MYO15B: variants seen among roughly 807,000 people sequenced by gnomAD.
MYO15B encodes the protein myosin XVB pseudogene.
A neutral mutation model predicts 119.3 loss-of-function variants in MYO15B; 207 were observed. That is an observed-to-expected ratio of 1.73 (90% CI 1.55 to 1.95). The LOEUF is 1.95. Ranked by LOEUF, MYO15B falls within the 30% of genes most tolerant of loss-of-function variation. MYO15B has a pLI of 0.00. For synonymous variants in MYO15B, 966 were observed against 498.9 expected (o/e 1.94, Z -12.48); for missense variants, 2,264 against 1,203.1 (o/e 1.88, Z -13.04).
In MYO15B at chr17:75,596,879, G is replaced by T. The variant is rs751988648; in HGVS notation, c.3505G>T (p.Ala1169Ser). Residue 1169 changes from alanine to serine, a missense_variant, in exon 14 of 64, where the codon GCC (alanine) becomes TCC (serine). By Grantham distance (99) the Ala-to-Ser change is moderately conservative. Transcript: ENST00000645453. ...CCACAGCCTCCTGAGTATCCTGGAC[G>T]CCCAGACATGGCTGTCCCAGGTAAG... The T allele has an allele frequency of 7.1e-6, 5 of 702,192 alleles. No homozygotes were observed. The Middle Eastern group carries it at 6.9e-4, about 96-fold the overall frequency. The allele number at this position is 702,192 out of a possible 1,614,324, so 43.5% of individuals were successfully genotyped here.
exon 15 of MYO15B, chr17:75,601,538 A>C (rs1001126843): frequency 8.5e-6 from 6 of 703,040 alleles, no homozygotes; most frequent in Admixed American, 4.0e-5. Context: ...ACCGTGCGAC[A>C]TTATGCAGGG....
intron 23 of MYO15B, 41 bp downstream of exon 23, chr17:75,611,000 G>T (rs1361706232): frequency 2.8e-6 from 2 of 702,766 alleles, no homozygotes; most frequent in African/African-American, 3.5e-5. Flanking sequence ...ATGGGGCTAT[G>T]AACCTGCTGA....
chr17:75,590,474 C>T (rs1304649263), intron 1 of MYO15B, 152 bp from the exon 2 acceptor site: 3 of 393,296 alleles, frequency 7.6e-6, no homozygotes, highest in Admixed American at 4.4e-5. Flanking sequence ...CTCCTTGTAG[C>T]CTGCGCATTA....
chr17:75,592,424 C>T lies in MYO15B; in HGVS notation c.2716-4C>T. ...TGAGCCCCTAAGCCAGTCCTGTCCC[C>T]AAGGCCCAGGCTGAGCGGAGCTTCC... On this transcript the variant is annotated splice_region_variant and splice_polypyrimidine_tract_variant and intron_variant, in intron 7 of 63. Transcript: ENST00000645453. 1 of 637,904 alleles carries T rather than the reference C, an allele frequency of 1.6e-6. No homozygotes were observed. The highest frequency in any genetic ancestry group is 2.8e-6 in the Non-Finnish European group (1 of 355,322). The allele number at this position is 637,904 out of a possible 1,614,324, so 39.5% of individuals were successfully genotyped here.
chr17:75,615,532 C>A (rs567254398), exon 35 of MYO15B: 94 of 700,698 alleles, frequency 1.3e-4, no homozygotes, highest in Admixed American at 1.3e-3. Context: ...GCCACCGCTT[C>A]CCAGCCTGGA....
chr17:75,626,290 G>A (rs1218105472), intron 63 of MYO15B, 62 bp downstream of exon 63: 1 of 698,774 alleles, frequency 1.4e-6, no homozygotes, highest in Non-Finnish European at 2.6e-6. Context: ...CCCCAGCATG[G>A]CGTGCAGTGG....
At chr17:75,594,676 C>T in intron 10 of MYO15B, 25 bp from the exon 11 acceptor site, 1 of 702,756 alleles carries the variant, frequency 1.4e-6, no homozygotes, top group East Asian at 2.7e-5. Flanking sequence ...CCTGACACAC[C>T]AGCTGTGCCT....
At chr17:75,624,227 G>T in exon 56 of MYO15B, 1 of 702,978 alleles carries the variant, frequency 1.4e-6, no homozygotes, top group Admixed American at 2.0e-5. Flanking sequence ...AATATGGGGG[G>T]CGCCGGCGGA....
chr17:75,621,736 C>T (rs2058724480), intron 52 of MYO15B, 166 bp downstream of exon 52: 2 of 604,292 alleles, frequency 3.3e-6, no homozygotes, highest in Admixed American at 5.5e-5. Context: ...CTTCTACTCC[C>T]ACTCAAGGGT....
At chr17:75,604,543 CCCCT>C (rs1290528888) in intron 19 of MYO15B, among the ~76,000 whole-genome samples, 5 of 139,042 alleles carry the variant, frequency 3.6e-5, no homozygotes, top group Admixed American at 7.4e-5. Context: ...CCCTTCCACA[CCCCT>C]CCCTCCCTCC....
intron 12 of MYO15B, 189 bp from the exon 13 acceptor site, chr17:75,596,271 G>A (rs7359522): frequency 0.081 from 47,421 of 588,432 alleles, 2,265 homozygotes; most frequent in African/African-American, 0.15. Context: ...GCAGCTAGAG[G>A]GACCTGTGGC....
At chr17:75,587,942 C>T in exon 1 of MYO15B, 1 of 396,580 alleles carries the variant, frequency 2.5e-6, no homozygotes. Flanking sequence ...GAGCCTGTAG[C>T]CCCTGCGAGA....
chr17:75,625,345 G>C (rs1035918205), intron 60 of MYO15B, 107 bp downstream of exon 60: 2 of 640,518 alleles, frequency 3.1e-6, no homozygotes, highest in African/African-American at 3.6e-5. Flanking sequence ...GAGCAGCGGG[G>C]CCTGTGAACA....
At chr17:75,620,792 G>A in intron 49 of MYO15B, 156 bp downstream of exon 49, 1 of 701,756 alleles carries the variant, frequency 1.4e-6, no homozygotes, top group South Asian at 1.5e-5. Context: ...GGCTCGCCTT[G>A]TCTCTCCAGC....
chr17:75,618,096 C>A, intron 42 of MYO15B, 30 bp from the exon 43 acceptor site: 1 of 702,912 alleles, frequency 1.4e-6, no homozygotes. Context: ...CCAGACCCAC[C>A]GATCTTTGCC....
chr17:75,623,999 TC>T lies in MYO15B; in HGVS notation c.8213del (p.Pro2738ArgfsTer5). 1.4e-6 allele frequency: 1 copy of T among 702,822 alleles called. No individual in the cohort carries two copies. Among genetic ancestry groups the T allele is most frequent in the Non-Finnish European group, 2.6e-6 (1 of 384,968 alleles). 43.5% of individuals were successfully genotyped at this position (702,822 alleles called of 1,614,324 possible). ...TTCCTCAGCCTTCTCACAGGCTTCTTCCCCCCGTCGACCAGGCTGATGCCCT... is the reference window on the plus strand; with the variant it reads ...TTCCTCAGCCTTCTCACAGGCTTCTTCCCCCGTCGACCAGGCTGATGCCCT... On this transcript the variant is annotated frameshift_variant, in exon 55 of 64. Transcript: ENST00000645453. LOFTEE classifies it high-confidence loss of function.
intron 5 of MYO15B, 110 bp from the exon 6 acceptor site, chr17:75,591,867 A>G: frequency 1.5e-6 from 1 of 667,504 alleles, no homozygotes. Flanking sequence ...AGCTGCAGGC[A>G]CTGCCCTTTC....
intron 19 of MYO15B, among the ~76,000 whole-genome samples, chr17:75,604,469 G>A (rs963327951): frequency 1.6e-5 from 1 of 61,754 alleles, no homozygotes; most frequent in African/African-American, 7.1e-5. Context: ...ACCCCTTCCT[G>A]CCACGCCCCT....
rs1399388370 is a variant in MYO15B at position 75,615,003 on chromosome 17, G to A, written c.5602G>A (p.Gly1868Arg). 8 of 702,924 alleles carry A rather than the reference G, an allele frequency of 1.1e-5. No homozygotes were observed. In the East Asian group the frequency reaches 2.1e-4, roughly 19 times the overall value. The allele number at this position is 702,924 out of a possible 1,614,324, so 43.5% of individuals were successfully genotyped here. A position where few individuals can be genotyped will look rare whatever the true frequency, so the allele number is the denominator to read the frequency against. ...GGCTCTGAGCAGCCGCATGAAGGGA[G>A]GGGGCGCCATTGGGCCCACACAGCA... The change falls in exon 33 of 64, where the codon GGG becomes AGG. Residue 1868 changes from glycine to arginine, a missense_variant. By Grantham distance (125) the Gly-to-Arg change is moderately radical. Transcript: ENST00000645453.
Sources: allele counts gnomAD v4.1 joint callset (sites outside exome capture counted in the v4.1 genomes callset), GRCh38; gene constraint gnomAD v4.1.1; transcripts MANE v1.5; gene names NCBI Gene and HGNC (gene_info 2026-07-23, HGNC 2026-07-21).